Variants in TBC1D14 observed in about 807,000 individuals in gnomAD.
TBC1D14 encodes the protein TBC1 domain family member 14.
A neutral mutation model predicts 79.0 loss-of-function variants in TBC1D14; 26 were observed. The observed-to-expected ratio is 0.33, with a 90% confidence interval of 0.24 to 0.46. The LOEUF (loss-of-function observed/expected upper bound fraction) is 0.46. TBC1D14 is among the 20% of genes least tolerant of loss of function. The probability of loss-of-function intolerance (pLI) is 1.00; values close to 1 mark genes in which losing one functional copy is unlikely to be tolerated. For missense variants in TBC1D14, 769 were observed against 887.6 expected (o/e 0.87, Z 1.70); for synonymous variants, 394 against 349.9 (o/e 1.13, Z -1.40).
chr4:7,020,272 T>C (rs1304133699), intron 12 of TBC1D14, among the ~76,000 whole-genome samples: 1 of 152,216 alleles, frequency 6.6e-6, no homozygotes, highest in Non-Finnish European at 1.5e-5. Context: ...TTTATGGGTT[T>C]AACTAAGTTT....
At chr4:7,008,259 C>G (rs1720408688) in intron 9 of TBC1D14, among the ~76,000 whole-genome samples, 3 of 152,216 alleles carry the variant, frequency 2.0e-5, no homozygotes, top group Non-Finnish European at 4.4e-5. Context: ...AGTTTCTTCC[C>G]AGGTCTTTCA....
intron 3 of TBC1D14, chr4:6,987,364 G>C: frequency 1.4e-6 from 2 of 1,420,966 alleles, no homozygotes; most frequent in South Asian, 2.9e-5. Context: ...GTCGGGGTGC[G>C]GGCCGGTGCC....
intron 3 of TBC1D14, among the ~76,000 whole-genome samples, chr4:6,986,677 C>T (rs777489592): frequency 1.3e-4 from 20 of 152,168 alleles, no homozygotes; most frequent in Non-Finnish European, 2.5e-4. Flanking sequence ...CGACGTAGTC[C>T]TTATGGTGTA....
At chr4:7,011,356 T>G (rs531328761) in intron 11 of TBC1D14, among the ~76,000 whole-genome samples, 1 of 151,938 alleles carries the variant, frequency 6.6e-6, no homozygotes, top group South Asian at 2.1e-4. Context: ...GGGTAGGGTT[T>G]ACATGCCTCC....
At chr4:6,957,853 T>G (rs1714783620) in intron 2 of TBC1D14, among the ~76,000 whole-genome samples, 1 of 151,982 alleles carries the variant, frequency 6.6e-6, no homozygotes, top group African/African-American at 2.4e-5. Context: ...CAGTGAGCTG[T>G]GTTCACACCA....
chr4:6,963,176 C>T (rs1158886256), intron 2 of TBC1D14, among the ~76,000 whole-genome samples: 2 of 152,210 alleles, frequency 1.3e-5, no homozygotes, highest in Non-Finnish European at 2.9e-5. Flanking sequence ...GCGAGGACTT[C>T]CCATGTCGGG....
At chr4:6,958,376 T>C (rs6853321) in intron 2 of TBC1D14, among the ~76,000 whole-genome samples, 2,958 of 149,218 alleles carry the variant, frequency 0.02, 33 homozygotes, top group Middle Eastern at 0.038. Flanking sequence ...TCCCCACATA[T>C]ACACACACAC....
chr4:6,995,981 C>T (rs1311967905), intron 4 of TBC1D14, among the ~76,000 whole-genome samples: 4 of 151,996 alleles, frequency 2.6e-5, no homozygotes, highest in East Asian at 1.9e-4. Context: ...GGACTACAGG[C>T]GCCCGCCACC....
rs117305497 is a variant in TBC1D14, at chr4:7,004,060, G to T, written c.1271-784G>T. 4.0e-3 allele frequency among the ~76,000 whole-genome samples: 607 copies of T among 152,290 alleles called. 4 individuals carry two copies. The highest frequency in any genetic ancestry group is 0.016 in the East Asian group (85 of 5,180). On this transcript the variant is annotated intron_variant, in intron 7 of 13. Transcript: ENST00000409757. Reference sequence around the variant, plus strand: ...CAGGAAGCACCTGAGACTGGGCTGTGTCGGGGAACAGGGCGCTGAGAAGGA... The same window carrying T: ...CAGGAAGCACCTGAGACTGGGCTGTTTCGGGGAACAGGGCGCTGAGAAGGA...
chr4:6,940,908 T>C (rs993144650), intron 2 of TBC1D14, among the ~76,000 whole-genome samples: 2 of 152,232 alleles, frequency 1.3e-5, no homozygotes, highest in South Asian at 4.1e-4. Context: ...GCTTATGGCA[T>C]GAATGAACGA....
At chr4:7,021,079 G>C (rs1721782929) in intron 12 of TBC1D14, among the ~76,000 whole-genome samples, 1 of 152,214 alleles carries the variant, frequency 6.6e-6, no homozygotes, top group African/African-American at 2.4e-5. Context: ...CGACAGCCCT[G>C]AACTGCCCTC....
rs1049449262 is a variant in TBC1D14, at chr4:7,010,865, A to C, written c.1647+84A>C. 1.3e-5 allele frequency: 19 copies of C among 1,466,892 alleles called. No individual in the cohort carries two copies. The African/African-American group carries it at 2.0e-4, about 15-fold the overall frequency. 90.9% of individuals were successfully genotyped at this position (1,466,892 alleles called of 1,614,324 possible). On this transcript the variant is annotated intron_variant, in intron 11 of 13. Coordinates refer to ENST00000409757, the MANE Select transcript of TBC1D14 (RefSeq NM_020773.3). ...TACTCGTCTGTGTTTTCGGTGGAAAAAAAGAATACATTTTCTCTCTGTGAA... is the reference window on the plus strand; with the variant it reads ...TACTCGTCTGTGTTTTCGGTGGAAACAAAGAATACATTTTCTCTCTGTGAA...
At chr4:6,973,650 AT>A (rs908478219) in intron 3 of TBC1D14, among the ~76,000 whole-genome samples, 3 of 151,052 alleles carry the variant, frequency 2.0e-5, no homozygotes, top group Non-Finnish European at 4.4e-5. Context: ...GAGTTTACCA[AT>A]TTTTTTTTCC....
In TBC1D14 at chr4:6,933,294, T is replaced by A. The variant is rs192272796; in HGVS notation, c.722+9183T>A. ...TTCCCCTCCCCCTTCCCCTTCCCCT[T>A]CCCCTTCCCCTTCCCCTTCCCTTTT... On this transcript the variant is annotated intron_variant, in intron 2 of 13. Coordinates refer to ENST00000409757, the MANE Select transcript of TBC1D14 (RefSeq NM_020773.3). 1.8e-4 allele frequency among the ~76,000 whole-genome samples: 2 copies of A among 11,290 alleles called. 1 individual carries two copies. The highest frequency in any genetic ancestry group is 5.8e-4 in the African/African-American group (2 of 3,440). The allele number at this position is 11,290 out of a possible 152,430, so 7.4% of individuals were successfully genotyped here. A position where few individuals can be genotyped will look rare whatever the true frequency, so the allele number is the denominator to read the frequency against.
intron 2 of TBC1D14, among the ~76,000 whole-genome samples, chr4:6,948,382 C>G (rs1463334081): frequency 6.6e-6 from 1 of 152,210 alleles, no homozygotes; most frequent in African/African-American, 2.4e-5. Context: ...TTGCTCAACA[C>G]TGGCAAACTG....
intron 2 of TBC1D14, among the ~76,000 whole-genome samples, chr4:6,932,560 T>C (rs1210244104): frequency 1.3e-5 from 2 of 152,256 alleles, no homozygotes; most frequent in South Asian, 4.1e-4. Context: ...TGTATGGGCA[T>C]GTAGGCCACT....
At chr4:6,987,169 G>A in intron 3 of TBC1D14, 1 of 1,207,770 alleles carries the variant, frequency 8.3e-7, no homozygotes, top group Non-Finnish European at 1.0e-6. Context: ...CGGCAGCGCG[G>A]ATCGCCTCGC....
intron 12 of TBC1D14, among the ~76,000 whole-genome samples, chr4:7,016,730 C>T (rs757986607): frequency 6.6e-6 from 1 of 152,190 alleles, no homozygotes; most frequent in East Asian, 1.9e-4. Flanking sequence ...GTACTTTGTT[C>T]TATTTATTCC....
intron 3 of TBC1D14, chr4:6,987,471 ATG>A (rs1043438593): frequency 1.0e-6 from 1 of 967,364 alleles, no homozygotes; most frequent in Non-Finnish European, 1.4e-6. Context: ...GCGAGTGTGC[ATG>A]TGTGCGGTTG....
Sources: gnomAD v4.1 joint callset for allele counts (sites outside exome capture counted in the v4.1 genomes callset) on GRCh38, gnomAD v4.1.1 for gene constraint, MANE v1.5 for transcripts, NCBI Gene and HGNC (gene_info 2026-07-23, HGNC 2026-07-21) for gene names.